Variants in ELAVL2 observed in about 807,000 individuals in gnomAD.
ELAVL2 encodes the protein ELAV-like protein 2.
In ELAVL2, 4 loss-of-function variants were observed where a neutral mutation model predicts 34.6. The observed-to-expected ratio is 0.12, with a 90% CI of 0.06 to 0.26. The LOEUF (loss-of-function observed/expected upper bound fraction) is 0.26. Ranked by LOEUF, ELAVL2 falls within the 10% of genes least tolerant of loss-of-function variation. The pLI is 1.00. For missense variants in ELAVL2, 432 were observed against 442.8 expected (o/e 0.98, Z 0.22); for synonymous variants, 193 against 154.8 (o/e 1.25, Z -1.83).
intron 5 of ELAVL2, among the ~76,000 whole-genome samples, chr9:23,699,697 A>G (rs945542470): frequency 1.3e-5 from 2 of 152,076 alleles, no homozygotes; most frequent in South Asian, 2.1e-4. Context: ...TGCAGAGCTG[A>G]AAAAGGGCTT....
rs1231053058 is a variant in ELAVL2, at chr9:23,691,980, T to C, written c.*577A>G. 6.6e-6 allele frequency: 1 copy of C among 152,628 alleles called. No homozygotes were observed. The highest frequency in any genetic ancestry group is 1.9e-4 in the East Asian group (1 of 5,202). The allele number at this position is 152,628 out of a possible 1,614,324, so 9.5% of individuals were successfully genotyped here. ...CTTTACGAAAAGTTCTCCAGTATTC[T>C]TACAATAAGCGTTTATAATGTAGCC... On this transcript the variant is annotated 3_prime_UTR_variant, in exon 7 of 7. Transcript: ENST00000397312.
At chr9:23,765,097 C>CGTCT in intron 1 of ELAVL2, 1 of 1,596,226 alleles carries the variant, frequency 6.3e-7, no homozygotes, top group Non-Finnish European at 8.5e-7. Context: ...TTGGAGTTGC[C>CGTCT]GTCTGCAATA....
intron 1 of ELAVL2, among the ~76,000 whole-genome samples, chr9:23,817,188 G>A (rs957426662): frequency 6.6e-5 from 10 of 151,968 alleles, no homozygotes; most frequent in Admixed American, 1.3e-4. Context: ...TTTTCAGTCA[G>A]AAACTGATGT....
chr9:23,788,786 T>G (rs2060001122), intron 1 of ELAVL2, among the ~76,000 whole-genome samples: 1 of 152,152 alleles, frequency 6.6e-6, no homozygotes, highest in Non-Finnish European at 1.5e-5. Context: ...ATAACTGAGA[T>G]GGCTATACTA....
chr9:23,830,324 A>C (rs1443118621), upstream of ELAVL2: 1 of 152,090 alleles, frequency 6.6e-6, no homozygotes, highest in South Asian at 2.1e-4. Context: ...CATTGCAAAC[A>C]CTTTCGTTAG....
chr9:23,760,592 A>G (rs1273104898), intron 2 of ELAVL2, among the ~76,000 whole-genome samples: 1 of 152,080 alleles, frequency 6.6e-6, no homozygotes, highest in Non-Finnish European at 1.5e-5. Context: ...CTTATTAAAA[A>G]CACTATAAAT....
chr9:23,785,287 G>A (rs547697582), intron 1 of ELAVL2, among the ~76,000 whole-genome samples: 4 of 152,314 alleles, frequency 2.6e-5, no homozygotes, highest in African/African-American at 9.6e-5. Flanking sequence ...TATCAAGGAA[G>A]ATGAACAAGA....
At chr9:23,782,337 C>T (rs895003928) in intron 1 of ELAVL2, among the ~76,000 whole-genome samples, 4 of 152,050 alleles carry the variant, frequency 2.6e-5, no homozygotes, top group Admixed American at 2.6e-4. Context: ...ACATGCAAGA[C>T]CAGCCTGGCC....
the ELAVL2 span, among the ~76,000 whole-genome samples, chr9:23,839,905 A>G: frequency 6.6e-6 from 1 of 152,150 alleles, no homozygotes; most frequent in Non-Finnish European, 1.5e-5. Context: ...CAATCCCTGT[A>G]TGCTCCAGAT....
intron 1 of ELAVL2, among the ~76,000 whole-genome samples, chr9:23,791,428 T>A (rs910245100): frequency 2.0e-5 from 3 of 152,200 alleles, no homozygotes; most frequent in Non-Finnish European, 4.4e-5. Context: ...AATTAACATG[T>A]TGAAACCATA....
intron 1 of ELAVL2, among the ~76,000 whole-genome samples, chr9:23,792,810 G>A (rs189013215): frequency 5.9e-5 from 9 of 151,414 alleles, no homozygotes; most frequent in East Asian, 1.9e-4. Context: ...TTACTCTGTC[G>A]CCCAGGATGG....
rs1460583561 is a variant in ELAVL2 at position 23,791,085 on chromosome 9, C to G, written c.-15-28836G>C. On this transcript the variant is annotated intron_variant, in intron 1 of 6. Transcript: ENST00000397312. ...TGGTGCCTTTAAAAGCAGTTTGTAA[C>G]AAGAGGTCAAACTATAAAACTGAAG... Among the ~76,000 whole-genome samples the G allele has an allele frequency of 2.0e-5, 3 of 152,162 alleles. No homozygotes were observed. In the East Asian group the frequency reaches 5.8e-4, roughly 29 times the overall value.
At chr9:23,839,393 A>G in the ELAVL2 span, among the ~76,000 whole-genome samples, 3 of 152,166 alleles carry the variant, frequency 2.0e-5, no homozygotes. Context: ...ACCAAACATG[A>G]CTGCGGCAAT....
In ELAVL2 at chr9:23,692,154, A is replaced by T. The variant is rs2033361133; in HGVS notation, c.*403T>A. On this transcript the variant is annotated 3_prime_UTR_variant, in exon 7 of 7. Transcript: ENST00000397312. ...AAACACAAAGCTAATCAGAAAAAGG[A>T]AAAAAAGGGGGGAAAAAAAAGACAC... The T allele has an allele frequency of 6.1e-6, 1 of 162,626 alleles. No individual in the cohort carries two copies. The highest frequency in any genetic ancestry group is 2.4e-5 in the African/African-American group (1 of 41,666). 10.1% of individuals were successfully genotyped at this position (162,626 alleles called of 1,614,324 possible).
chr9:23,736,989 G>T (rs988529013), intron 2 of ELAVL2, among the ~76,000 whole-genome samples: 2 of 152,130 alleles, frequency 1.3e-5, no homozygotes, highest in African/African-American at 4.8e-5. Flanking sequence ...ACTCTCTGAA[G>T]TCATTTCCTG....
upstream of ELAVL2, among the ~76,000 whole-genome samples, chr9:23,830,909 A>G (rs900199041): frequency 6.6e-6 from 1 of 151,682 alleles, no homozygotes; most frequent in African/African-American, 2.4e-5. Flanking sequence ...AGGAAAAAAA[A>G]CCCCAAAAAA....
At chr9:23,717,600 T>A (rs1041800557) in intron 3 of ELAVL2, among the ~76,000 whole-genome samples, 5 of 152,188 alleles carry the variant, frequency 3.3e-5, no homozygotes, top group Non-Finnish European at 5.9e-5. Flanking sequence ...ACATTTCTTC[T>A]TTTTCCGCCC....
chr9:23,849,165 C>T, the ELAVL2 span, among the ~76,000 whole-genome samples: 1,296 of 152,102 alleles, frequency 8.5e-3, 13 homozygotes, highest in African/African-American at 0.03. Flanking sequence ...ATGGAATATA[C>T]CTCCTATTTA....
In ELAVL2 at chr9:23,762,073, T is replaced by C; in HGVS notation, c.162A>G (p.Glu54=). 6.2e-7 allele frequency: 1 copy of C among 1,613,466 alleles called. No individual in the cohort carries two copies. Among genetic ancestry groups the C allele is most frequent in the East Asian group, 2.2e-5 (1 of 44,858 alleles). Residue 54 remains glutamate (E), a synonymous_variant, in exon 2 of 7, where the codon GAA becomes GAG. Transcript: ENST00000397312. The stretch of plus-strand genomic sequence containing the variant: ...CAATGCTCCCAAAGAGACTCTTTAG[T>C]TCCTCCTGTGTCATGTTCTGAGGAA... ...NYLPQNMTQE[E]LKSLFGSIGE...
Sources: gnomAD v4.1 joint callset for allele counts (sites outside exome capture counted in the v4.1 genomes callset) on GRCh38, gnomAD v4.1.1 for gene constraint, MANE v1.5 for transcripts, NCBI Gene and HGNC (gene_info 2026-07-23, HGNC 2026-07-21) for gene names.